The following MACROD2 variants were observed in gnomAD, a reference collection of about 807,000 sequenced individuals.
The protein encoded by MACROD2 is mono-ADP ribosylhydrolase 2, also known as ADP-ribose glycohydrolase MACROD2.
A neutral mutation model predicts 70.4 loss-of-function variants in MACROD2; 36 were observed. The observed-to-expected ratio is 0.51, with a 90% CI of 0.39 to 0.68. The LOEUF is 0.68. Among genes scored for constraint, MACROD2 ranks in the 30% least tolerant of loss-of-function variants. MACROD2 has a pLI of 0.00. For synonymous variants in MACROD2, 172 were observed against 178.8 expected, an observed-to-expected ratio of 0.96 and a Z score of 0.30; for missense variants, 496 against 538.4, an observed-to-expected ratio of 0.92 and a Z score of 0.78.
intron 11 of MACROD2, among the ~76,000 whole-genome samples, chr20:15,937,151 G>A (rs1286124577): frequency 6.6e-6 from 1 of 152,130 alleles, no homozygotes; most frequent in Non-Finnish European, 1.5e-5. Context: ...TTCACAATCT[G>A]TTATCAAGAA....
chr20:14,849,662 T>C (rs1600723110), intron 5 of MACROD2, among the ~76,000 whole-genome samples: 3 of 152,084 alleles, frequency 2.0e-5, no homozygotes, highest in Admixed American at 6.5e-5. Flanking sequence ...GCGCCTGTAA[T>C]CCCAGCCACT....
intron 8 of MACROD2, among the ~76,000 whole-genome samples, chr20:15,795,245 T>C (rs2063662360): frequency 6.6e-6 from 1 of 151,908 alleles, no homozygotes; most frequent in Non-Finnish European, 1.5e-5. Flanking sequence ...AGGAGAACGG[T>C]TAGTGGGGAA....
intron 3 of MACROD2, among the ~76,000 whole-genome samples, chr20:14,374,627 T>C (rs895223075): frequency 7.2e-5 from 11 of 152,210 alleles, no homozygotes; most frequent in Non-Finnish European, 1.6e-4. Flanking sequence ...AATATTGGGC[T>C]GTGGCATCAG....
At chr20:14,096,882 A>G (rs994204705) in intron 3 of MACROD2, among the ~76,000 whole-genome samples, 2 of 152,116 alleles carry the variant, frequency 1.3e-5, no homozygotes, top group African/African-American at 4.8e-5. Context: ...GCCCATGGGA[A>G]GTTTAGTGCC....
intron 2 of MACROD2, among the ~76,000 whole-genome samples, chr20:14,061,162 C>G (rs1049568389): frequency 5.3e-5 from 8 of 152,024 alleles, no homozygotes; most frequent in African/African-American, 1.9e-4. Flanking sequence ...TTGAAATGTA[C>G]TTTGAGATAT....
At chr20:14,097,902 G>A (rs2148676593) in intron 3 of MACROD2, among the ~76,000 whole-genome samples, 1 of 152,248 alleles carries the variant, frequency 6.6e-6, no homozygotes, top group African/African-American at 2.4e-5. Flanking sequence ...TAAACTGTCA[G>A]GAAGCAAAGA....
intron 3 of MACROD2, among the ~76,000 whole-genome samples, chr20:14,332,175 C>T (rs2082854749): frequency 6.6e-6 from 1 of 151,976 alleles, no homozygotes; most frequent in African/African-American, 2.4e-5. Context: ...TATTCATATT[C>T]AGTTTATTTT....
At chr20:15,719,505 C>T (rs1457786726) in intron 8 of MACROD2, among the ~76,000 whole-genome samples, 1 of 152,120 alleles carries the variant, frequency 6.6e-6, no homozygotes, top group Non-Finnish European at 1.5e-5. Context: ...CCTCCAAAAG[C>T]TTGTTTTGAA....
intron 7 of MACROD2, among the ~76,000 whole-genome samples, chr20:15,446,604 C>T (rs749680520): frequency 2.0e-5 from 3 of 152,158 alleles, no homozygotes; most frequent in Non-Finnish European, 2.9e-5. Flanking sequence ...GGCATTCAAC[C>T]AAACTTGCGA....
At chr20:15,289,818 T>A (rs1338632387) in intron 6 of MACROD2, among the ~76,000 whole-genome samples, 1 of 152,144 alleles carries the variant, frequency 6.6e-6, no homozygotes. Flanking sequence ...ATTCATTGAG[T>A]GCCTGCTGTG....
intron 8 of MACROD2, among the ~76,000 whole-genome samples, chr20:15,717,066 C>G (rs1256869053): frequency 2.0e-5 from 3 of 152,158 alleles, no homozygotes; most frequent in Non-Finnish European, 4.4e-5. Context: ...CTGTTTCTTT[C>G]TGACTTAAAT....
At chr20:14,489,276 GA>G (rs779530958) in intron 3 of MACROD2, among the ~76,000 whole-genome samples, 3 of 152,208 alleles carry the variant, frequency 2.0e-5, no homozygotes, top group African/African-American at 4.8e-5. Flanking sequence ...AGCATAGACA[GA>G]GGCCTGTTGC....
At chr20:14,207,092 A>G (rs1244113799) in intron 3 of MACROD2, among the ~76,000 whole-genome samples, 1 of 152,142 alleles carries the variant, frequency 6.6e-6, no homozygotes, top group Non-Finnish European at 1.5e-5. Context: ...TGGAATCAAA[A>G]GCACAGGTAG....
intron 3 of MACROD2, among the ~76,000 whole-genome samples, chr20:14,373,964 G>A (rs1219348563): frequency 1.3e-5 from 2 of 152,048 alleles, no homozygotes; most frequent in Non-Finnish European, 2.9e-5. Flanking sequence ...TTGTTCCTAA[G>A]AATCTTCTGT....
intron 5 of MACROD2, among the ~76,000 whole-genome samples, chr20:15,103,704 A>G (rs1005721193): frequency 6.6e-6 from 1 of 152,140 alleles, no homozygotes; most frequent in Non-Finnish European, 1.5e-5. Flanking sequence ...TTACATAGAG[A>G]TAAATCCATG....
At chr20:15,350,950 CA>C (rs1284574458) in intron 6 of MACROD2, among the ~76,000 whole-genome samples, 8 of 151,838 alleles carry the variant, frequency 5.3e-5, no homozygotes, top group African/African-American at 9.7e-5. Flanking sequence ...AAAACAAAAA[CA>C]AAAAAACCTC....
chr20:14,710,722 A>C (rs2071328530), intron 5 of MACROD2, among the ~76,000 whole-genome samples: 1 of 152,070 alleles, frequency 6.6e-6, no homozygotes, highest in Non-Finnish European at 1.5e-5. Flanking sequence ...ACTTATTATC[A>C]TTTTTTATTA....
Position 15,860,362 on chromosome 20 carries a change from A to G in MACROD2, c.646-2383A>G, listed in dbSNP as rs148003153. Among the ~76,000 whole-genome samples the G allele has an allele frequency of 2.8e-3, 430 of 152,206 alleles. 4 individuals carry two copies. The highest frequency in any genetic ancestry group is 9.8e-3 in the African/African-American group (405 of 41,532). On this transcript the variant is annotated intron_variant, in intron 8 of 17. Transcript: ENST00000684519. ...GTCTTCTCAGATCTGCATTAAGCCA[A>G]ATTTTCTTGTTTTGATTTTTTGATC...
At chr20:15,151,509 G>A (rs1284697011) in intron 5 of MACROD2, among the ~76,000 whole-genome samples, 3 of 152,000 alleles carry the variant, frequency 2.0e-5, no homozygotes, top group African/African-American at 4.8e-5. Flanking sequence ...TTTGAGGGCC[G>A]GAATTTAATT....
Sources: allele counts gnomAD v4.1 joint callset (sites outside exome capture counted in the v4.1 genomes callset), GRCh38; gene constraint gnomAD v4.1.1; transcripts MANE v1.5; gene names NCBI Gene and HGNC (gene_info 2026-07-23, HGNC 2026-07-21).